CASK: variants seen among roughly 807,000 people sequenced by gnomAD.
CASK encodes the protein peripheral plasma membrane protein CASK.
In CASK, 4 loss-of-function variants were observed where a neutral mutation model predicts 82.9. The ratio of observed to expected loss-of-function variants is 0.05; its 90% CI spans 0.02 to 0.11. CASK has a LOEUF of 0.11. CASK is among the 10% of genes least tolerant of loss of function. CASK has a pLI of 1.00. For synonymous variants in CASK, 259 were observed against 253.5 expected (o/e 1.02, Z -0.20); for missense variants, 358 against 720.9 (o/e 0.50, Z 5.76).
At chrX:41,702,702 GAGAATCGCTTGA>G (rs942501208) in intron 5 of CASK, among the ~76,000 whole-genome samples, 2 of 112,053 alleles carry the variant, frequency 1.8e-5, no homozygotes, top group African/African-American at 6.5e-5. Flanking sequence ...GCTGAGGCAG[GAGAATCGCTTGA>G]ACCTGGCAGG....
intron 5 of CASK, chrX:41,727,468 C>T (rs772976942): frequency 1.7e-6 from 2 of 1,209,276 alleles, no homozygotes; most frequent in South Asian, 3.5e-5. Context: ...AAAATTTCGC[C>T]AGCCCAACTT....
intron 3 of CASK, among the ~76,000 whole-genome samples, chrX:41,763,172 G>A (rs1165341511): frequency 9.0e-6 from 1 of 111,062 alleles, no homozygotes; most frequent in Non-Finnish European, 1.9e-5. Context: ...TGGGCTTCAA[G>A]GTCATACAAA....
At position 41,876,093 on chromosome X, in the gene CASK, C is replaced by T. The variant is rs759854972; in HGVS notation, c.60-22866G>A. Among the ~76,000 whole-genome samples, 56 of 111,120 alleles carry T rather than the reference C, an allele frequency of 5.0e-4. No individual in the cohort carries two copies. The South Asian group carries it at 9.4e-3, about 19-fold the overall frequency. On this transcript the variant is annotated intron_variant, in intron 1 of 26. Transcript: ENST00000378163. ...ACATGTCACCTTTACCATAATCTTC[C>T]AACAAGAGCAACAGTAGCAATGATA...
intron 12 of CASK, among the ~76,000 whole-genome samples, chrX:41,593,160 C>A (rs1341265802): frequency 9.0e-6 from 1 of 111,389 alleles, no homozygotes; most frequent in African/African-American, 3.3e-5. Context: ...GAGGTGGGGG[C>A]ATTGGGCTCT....
chrX:41,558,618 A>G lies in CASK; in HGVS notation c.1737+1161T>C, dbSNP rs780036534. The G allele has an allele frequency of 3.6e-5, 4 of 111,427 alleles. No homozygotes were observed. In the East Asian group the frequency reaches 1.1e-3, roughly 31 times the overall value. 9.2% of individuals were successfully genotyped at this position (111,427 alleles called of 1,213,427 possible). On this transcript the variant is annotated intron_variant, in intron 18 of 26. Transcript: ENST00000378163. Reference sequence around the variant, plus strand: ...TTTGTGTTCTAGGTAACAAATTTCAATACTCTGAATCCTGGAACAGAAGCA... The same window carrying G: ...TTTGTGTTCTAGGTAACAAATTTCAGTACTCTGAATCCTGGAACAGAAGCA...
chrX:41,758,986 C>A (rs1020919636), intron 3 of CASK, among the ~76,000 whole-genome samples: 74 of 111,935 alleles, frequency 6.6e-4, no homozygotes, highest in African/African-American at 2.3e-3. Flanking sequence ...TTGGGGTGAA[C>A]TCTTTATGTT....
chrX:41,784,443 A>AT (rs1157478941), intron 3 of CASK, among the ~76,000 whole-genome samples: 27 of 109,505 alleles, frequency 2.5e-4, no homozygotes, highest in African/African-American at 5.3e-4. Context: ...ATGAAGTCAG[A>AT]TTTTTTTTTT....
At chrX:41,710,095 G>GTGTGTGTGTC (rs1233150771) in intron 5 of CASK, among the ~76,000 whole-genome samples, 1 of 101,454 alleles carries the variant, frequency 9.9e-6, no homozygotes, top group Admixed American at 1.1e-4. Context: ...GTGTGTGTGT[G>GTGTGTGTGTC]TGTGTGTGTG....
At chrX:41,763,969 A>G (rs948957660) in intron 3 of CASK, among the ~76,000 whole-genome samples, 5 of 111,958 alleles carry the variant, frequency 4.5e-5, no homozygotes, top group Non-Finnish European at 7.5e-5. Flanking sequence ...TTTGTCCTCT[A>G]ATGTTCTTTC....
At chrX:41,546,503 T>A (rs1361603074) in intron 21 of CASK, among the ~76,000 whole-genome samples, 1 of 112,648 alleles carries the variant, frequency 8.9e-6, no homozygotes, top group East Asian at 2.8e-4. Flanking sequence ...AGTCTCTCTC[T>A]GTTGCCCAGG....
chrX:41,612,750 GT>G (rs1240399819), intron 11 of CASK, among the ~76,000 whole-genome samples: 1 of 84,297 alleles, frequency 1.2e-5, no homozygotes. Context: ...CGGGAGGGAG[GT>G]GGGGGGGGGT....
chrX:41,623,865 C>T (rs2066324563), intron 10 of CASK, among the ~76,000 whole-genome samples: 5 of 110,831 alleles, frequency 4.5e-5, no homozygotes, highest in African/African-American at 9.9e-5. Context: ...TGTGCTACCA[C>T]GCTTGGCTAA....
At chrX:41,915,990 A>AAC (rs200862362) in intron 1 of CASK, among the ~76,000 whole-genome samples, 3,357 of 105,200 alleles carry the variant, frequency 0.032, 71 homozygotes, top group African/African-American at 0.061. Context: ...TCCGTCTCAA[A>AAC]ACACACACAC....
chrX:41,715,014 C>T (rs781692490), intron 5 of CASK, among the ~76,000 whole-genome samples: 1 of 112,457 alleles, frequency 8.9e-6, no homozygotes, highest in African/African-American at 3.2e-5. Context: ...CAGCTCTCAA[C>T]TGACCAACAA....
intron 1 of CASK, among the ~76,000 whole-genome samples, chrX:41,862,568 T>C: frequency 1.1e-5 from 1 of 90,842 alleles, no homozygotes; most frequent in African/African-American, 4.1e-5. Flanking sequence ...AAAAAAAAAG[T>C]GTGTGCTGGG....
At chrX:41,807,032 C>T (rs1403355205) in intron 2 of CASK, among the ~76,000 whole-genome samples, 2 of 111,447 alleles carry the variant, frequency 1.8e-5, no homozygotes, top group African/African-American at 6.5e-5. Flanking sequence ...ATAAAACAAT[C>T]TAAGAATATA....
chrX:41,863,505 T>C (rs746486060), intron 1 of CASK, among the ~76,000 whole-genome samples: 6 of 112,316 alleles, frequency 5.3e-5, no homozygotes, highest in Admixed American at 2.8e-4. Flanking sequence ...TAAGGTACAA[T>C]ATCTTGTGGA....
intron 11 of CASK, among the ~76,000 whole-genome samples, chrX:41,613,042 G>A (rs746706228): frequency 4.7e-5 from 5 of 106,919 alleles, no homozygotes; most frequent in South Asian, 4.2e-4. Context: ...CAGCTGCCCC[G>A]TCTGGGAGGT....
At chrX:41,844,634 T>C (rs1048654697) in intron 2 of CASK, among the ~76,000 whole-genome samples, 6 of 111,758 alleles carry the variant, frequency 5.4e-5, no homozygotes, top group Non-Finnish European at 1.1e-4. Context: ...AATTTTATTT[T>C]TACCTTTTCA....
Sources: gnomAD v4.1 joint callset for allele counts (sites outside exome capture counted in the v4.1 genomes callset) on GRCh38, gnomAD v4.1.1 for gene constraint, MANE v1.5 for transcripts, NCBI Gene and HGNC (gene_info 2026-07-23, HGNC 2026-07-21) for gene names.